The following EFCAB13 variants were observed in gnomAD, a reference collection of about 807,000 sequenced individuals.
EFCAB13 encodes EF-hand calcium binding domain 13, also known as EF-hand calcium-binding domain-containing protein 13.
In EFCAB13, 91 loss-of-function variants were observed where a neutral mutation model predicts 110.2. The ratio of observed to expected loss-of-function variants is 0.83; its 90% CI spans 0.70 to 0.98. EFCAB13 has a LOEUF of 0.98. Ranked by LOEUF, EFCAB13 falls within the 50% of genes least tolerant of loss-of-function variation. The pLI is 0.00. For synonymous variants in EFCAB13, 323 were observed against 369.9 expected, an observed-to-expected ratio of 0.87 and a Z score of 1.45; for missense variants, 968 against 1,119.4, an observed-to-expected ratio of 0.86 and a Z score of 1.93.
chr17:47,375,885 G>A (rs944006026), intron 12 of EFCAB13, among the ~76,000 whole-genome samples: 3 of 152,022 alleles, frequency 2.0e-5, no homozygotes, highest in Non-Finnish European at 4.4e-5. Flanking sequence ...TATCTCTTAT[G>A]GAAGGAGAAT....
rs192509752 is a variant in EFCAB13 at position 47,429,697 on chromosome 17, C to G, written c.2495-121C>G. 15 of 1,264,124 alleles carry G rather than the reference C, an allele frequency of 1.2e-5. No homozygotes were observed. The African/African-American group carries it at 2.3e-4, about 19-fold the overall frequency. 78.3% of individuals were successfully genotyped at this position (1,264,124 alleles called of 1,614,324 possible). A position where few individuals can be genotyped will look rare whatever the true frequency, so the allele number is the denominator to read the frequency against. On this transcript the variant is annotated intron_variant, in intron 23 of 24. Transcript: ENST00000331493. ...GGTTTTTAAAACTATACAAATAGTT[C>G]CATGTACAATTCTAGAATCAGATCT...
At chr17:47,398,377 GAGA>G (rs2065759443) in intron 17 of EFCAB13, among the ~76,000 whole-genome samples, 4 of 151,312 alleles carry the variant, frequency 2.6e-5, no homozygotes, top group Admixed American at 2.6e-4. Flanking sequence ...ACAGCTCATT[GAGA>G]ACGGGCCATG....
At chr17:47,398,908 C>T (rs1243615507) in intron 17 of EFCAB13, among the ~76,000 whole-genome samples, 6 of 151,394 alleles carry the variant, frequency 4.0e-5, no homozygotes, top group African/African-American at 1.2e-4. Context: ...ATAATAAAAA[C>T]TCATATATTG....
At chr17:47,414,258 C>A (rs1227326691) in intron 22 of EFCAB13, among the ~76,000 whole-genome samples, 1 of 149,548 alleles carries the variant, frequency 6.7e-6, no homozygotes. Flanking sequence ...TGTGCACGTG[C>A]GTGTGTGTGT....
At chr17:47,344,015 A>C in intron 6 of EFCAB13, 147 bp from the exon 7 acceptor site, 2 of 865,014 alleles carry the variant, frequency 2.3e-6, no homozygotes, top group Non-Finnish European at 3.3e-6. Flanking sequence ...AATGTAATTT[A>C]ATTACAAAAG....
chr17:47,344,194 G>C lies in EFCAB13; in HGVS notation c.336G>C (p.Glu112Asp), dbSNP rs778550478. 3.7e-5 allele frequency: 59 copies of C among 1,613,064 alleles called. No individual in the cohort carries two copies. Among genetic ancestry groups the C allele is most frequent in the Non-Finnish European group, 3.6e-5 (42 of 1,179,356 alleles). The stretch of plus-strand genomic sequence containing the variant: ...CTCCTTTTCTGAAGCTGTCAAAGGA[G>C]AAGGTGACAAGGAAAGAAAACTCTT... ...IIPPFLKLSK[E>D]KVTRKENSLC... is the part of the protein sequence containing the mutation. The change falls in exon 7 of 25, where the codon GAG becomes GAC. Residue 112 changes from glutamate (E) to aspartate (D), a missense_variant. Coordinates refer to ENST00000331493, the MANE Select transcript of EFCAB13 (RefSeq NM_152347.5).
At chr17:47,379,373 G>T in intron 14 of EFCAB13, 120 bp downstream of exon 14, 1 of 691,532 alleles carries the variant, frequency 1.4e-6, no homozygotes, top group South Asian at 2.0e-5. Flanking sequence ...TGACTCTTAG[G>T]CAAGTCAGTT....
intron 14 of EFCAB13, among the ~76,000 whole-genome samples, chr17:47,389,396 G>A (rs1025887879): frequency 6.6e-6 from 1 of 152,012 alleles, no homozygotes; most frequent in African/African-American, 2.4e-5. Flanking sequence ...AAGCAAGAAA[G>A]CCCCATGACA....
intron 23 of EFCAB13, among the ~76,000 whole-genome samples, chr17:47,424,874 C>T (rs199542905): frequency 4.5e-3 from 165 of 36,820 alleles, no homozygotes; most frequent in Middle Eastern, 0.019. Context: ...GGTTGACAAT[C>T]TTTTTTTTTT....
At chr17:47,326,896 T>C (rs2065288946) in intron 3 of EFCAB13, among the ~76,000 whole-genome samples, 1 of 152,104 alleles carries the variant, frequency 6.6e-6, no homozygotes, top group Admixed American at 6.5e-5. Flanking sequence ...CAGAAATAAA[T>C]AAAAATGATT....
intron 24 of EFCAB13, among the ~76,000 whole-genome samples, chr17:47,440,193 G>A (rs1905291990): frequency 6.6e-6 from 1 of 152,174 alleles, no homozygotes; most frequent in South Asian, 2.1e-4. Flanking sequence ...GGTTTTTAAA[G>A]ATGCCATTGT....
At chr17:47,411,572 T>G (rs2065835284) in intron 21 of EFCAB13, among the ~76,000 whole-genome samples, 1 of 152,184 alleles carries the variant, frequency 6.6e-6, no homozygotes. Flanking sequence ...GGAATTTACT[T>G]GAAACTCTTT....
At chr17:47,399,846 C>T (rs1272938795) in intron 17 of EFCAB13, among the ~76,000 whole-genome samples, 3 of 151,966 alleles carry the variant, frequency 2.0e-5, no homozygotes, top group Non-Finnish European at 4.4e-5. Flanking sequence ...GAAATACTTC[C>T]CAAATATCTA....
At chr17:47,351,304 T>TGTGTGTGTGTGCGC (rs1280645583) in intron 9 of EFCAB13, among the ~76,000 whole-genome samples, 3 of 122,980 alleles carry the variant, frequency 2.4e-5, no homozygotes, top group South Asian at 5.9e-4. Context: ...TGTGTGTGTG[T>TGTGTGTGTGTGCGC]GCGCGCGCGC....
chr17:47,440,262 G>A (rs1281995766), intron 24 of EFCAB13, among the ~76,000 whole-genome samples, 169 bp from the exon 25 acceptor site: 1 of 152,106 alleles, frequency 6.6e-6, no homozygotes, highest in Non-Finnish European at 1.5e-5. Context: ...GAAATAAAAT[G>A]AGCAGAAATT....
Position 47,361,303 on chromosome 17 carries a change from G to A in EFCAB13, c.662-75G>A. 17 of 1,385,944 alleles carry A rather than the reference G, an allele frequency of 1.2e-5. No individual in the cohort carries two copies. In the South Asian group the frequency reaches 2.1e-4, roughly 17 times the overall value. The allele number at this position is 1,385,944 out of a possible 1,614,324, so 85.9% of individuals were successfully genotyped here. The stretch of plus-strand genomic sequence containing the variant: ...ATACAAAGTTATTTTCCCTTAGTAG[G>A]CTATTGACACAAAATCAACTGCTTT... On this transcript the variant is annotated intron_variant, in intron 9 of 24. Transcript: ENST00000331493.
At chr17:47,386,643 G>A (rs1030417154) in intron 14 of EFCAB13, among the ~76,000 whole-genome samples, 2 of 152,112 alleles carry the variant, frequency 1.3e-5, no homozygotes, top group African/African-American at 4.8e-5. Context: ...GGAGTGAACA[G>A]CTCTGTCTCG....
intron 2 of EFCAB13, among the ~76,000 whole-genome samples, chr17:47,324,811 A>G (rs1227188023): frequency 2.6e-5 from 4 of 151,228 alleles, no homozygotes; most frequent in African/African-American, 9.7e-5. Context: ...TTTTCCTCTC[A>G]GCTACTGCCT....
chr17:47,440,247 A>G (rs1386560483), intron 24 of EFCAB13, among the ~76,000 whole-genome samples, 184 bp from the exon 25 acceptor site: 1 of 152,190 alleles, frequency 6.6e-6, no homozygotes, highest in Non-Finnish European at 1.5e-5. Context: ...TTCAAGAAGT[A>G]TTTGGAAATA....
Sources: allele counts gnomAD v4.1 joint callset (sites outside exome capture counted in the v4.1 genomes callset), GRCh38; gene constraint gnomAD v4.1.1; transcripts MANE v1.5; gene names NCBI Gene and HGNC (gene_info 2026-07-23, HGNC 2026-07-21).